Variants in RERE observed in about 807,000 individuals in gnomAD.
RERE encodes the protein arginine-glutamic acid dipeptide repeats protein.
RERE carries 40 observed loss-of-function variants against 146.1 expected under a neutral mutation model. The ratio of observed to expected loss-of-function variants is 0.27; its 90% CI spans 0.21 to 0.36. RERE has a LOEUF of 0.36. RERE is among the 10% of genes least tolerant of loss of function. RERE has a pLI of 1.00. For synonymous variants in RERE, 1,003 were observed against 866.0 expected, an observed-to-expected ratio of 1.16 and a Z score of -2.78; for missense variants, 1,933 against 2,138.7, an observed-to-expected ratio of 0.90 and a Z score of 1.90.
intron 1 of RERE, among the ~76,000 whole-genome samples, chr1:8,757,459 A>G (rs1640665326): frequency 6.6e-6 from 1 of 152,238 alleles, no homozygotes; most frequent in Non-Finnish European, 1.5e-5. Flanking sequence ...AATACTAAAT[A>G]GGATGCTCCA....
intron 6 of RERE, among the ~76,000 whole-genome samples, chr1:8,545,287 C>T (rs1487180756): frequency 6.6e-6 from 1 of 152,128 alleles, no homozygotes; most frequent in Non-Finnish European, 1.5e-5. Context: ...GTAAAAAAGG[C>T]GTCCCGGAAA....
intron 1 of RERE, among the ~76,000 whole-genome samples, chr1:8,661,555 C>T (rs1638457929): frequency 6.6e-6 from 1 of 152,090 alleles, no homozygotes. Flanking sequence ...AGACAAGCAG[C>T]AGCTGGGAAG....
At chr1:8,607,187 C>T (rs1194575413) in intron 4 of RERE, among the ~76,000 whole-genome samples, 1 of 151,800 alleles carries the variant, frequency 6.6e-6, no homozygotes, top group Non-Finnish European at 1.5e-5. Context: ...GTGGCAAAGC[C>T]CCGTCTCTAA....
chr1:8,437,964 T>C (rs1644194168), intron 11 of RERE, among the ~76,000 whole-genome samples: 1 of 150,258 alleles, frequency 6.7e-6, no homozygotes, highest in Admixed American at 6.7e-5. Flanking sequence ...CAACAAGTGC[T>C]GTTAGATTTC....
At chr1:8,655,018 C>G (rs1258909092) in intron 2 of RERE, among the ~76,000 whole-genome samples, 2 of 152,138 alleles carry the variant, frequency 1.3e-5, no homozygotes, top group African/African-American at 2.4e-5. Flanking sequence ...TTTCCCTGAT[C>G]TCATCTAAAA....
intron 4 of RERE, among the ~76,000 whole-genome samples, chr1:8,591,834 C>T (rs1209724805): frequency 1.3e-5 from 2 of 152,204 alleles, no homozygotes; most frequent in Middle Eastern, 3.2e-3. Context: ...ACACATCTAA[C>T]GTATGTCCTG....
At position 8,567,846 on chromosome 1, in the gene RERE, C is replaced by T. The variant is rs569538199; in HGVS notation, c.523-10323G>A. Among the ~76,000 whole-genome samples the T allele has an allele frequency of 5.3e-5, 8 of 152,304 alleles. No individual in the cohort carries two copies. In the South Asian group the frequency reaches 1.5e-3, roughly 28 times the overall value. ...AATATCACACACACACAGAGATAAA[C>T]TGTACGTCAAGGGGACTTAGCAGAT... On this transcript the variant is annotated intron_variant, in intron 4 of 22. Transcript: ENST00000400908.
chr1:8,428,248 C>CCCACTCTCGT (rs1644044514), intron 11 of RERE, among the ~76,000 whole-genome samples: 1 of 152,214 alleles, frequency 6.6e-6, no homozygotes, highest in African/African-American at 2.4e-5. Flanking sequence ...TCATAGCCTG[C>CCCACTCTCGT]CCACTCTCAG....
In RERE at chr1:8,355,143, CG is replaced by C. The variant is rs749612697; in HGVS notation, c.4668-24del. On this transcript the variant is annotated intron_variant, in intron 22 of 22. Transcript: ENST00000400908. Reference sequence around the variant, plus strand: ...CGACTGGAAAGACAAAACAGGAAAGCGTATTTAGTCTCAGGCCTAGGCAGGC... The same window carrying C: ...CGACTGGAAAGACAAAACAGGAAAGCTATTTAGTCTCAGGCCTAGGCAGGC... 9 of 1,613,044 alleles carry C rather than the reference CG, an allele frequency of 5.6e-6. No homozygotes were observed. The African/African-American group carries it at 1.1e-4, about 19-fold the overall frequency.
At chr1:8,747,122 C>G (rs1640438215) in intron 1 of RERE, among the ~76,000 whole-genome samples, 1 of 152,062 alleles carries the variant, frequency 6.6e-6, no homozygotes, top group Non-Finnish European at 1.5e-5. Flanking sequence ...CTGCCTCAGC[C>G]TCCCGAGTAG....
intron 12 of RERE, among the ~76,000 whole-genome samples, chr1:8,412,409 G>A (rs1045211532): frequency 5.9e-5 from 9 of 152,154 alleles, no homozygotes; most frequent in East Asian, 5.8e-4. Flanking sequence ...AAAAATATCC[G>A]TCAACAGTCA....
intron 6 of RERE, among the ~76,000 whole-genome samples, chr1:8,550,838 G>A (rs1488639289): frequency 1.3e-5 from 2 of 152,154 alleles, no homozygotes; most frequent in African/African-American, 2.4e-5. Context: ...GTGAGCCACC[G>A]TGCCCGGCCA....
chr1:8,381,779 G>T (rs928008207), intron 12 of RERE, among the ~76,000 whole-genome samples: 3 of 152,152 alleles, frequency 2.0e-5, no homozygotes, highest in Non-Finnish European at 2.9e-5. Flanking sequence ...GCACATACAC[G>T]TATGCACTAA....
chr1:8,804,982 ATTTT>A (rs1053774145), intron 1 of RERE, among the ~76,000 whole-genome samples: 4 of 127,624 alleles, frequency 3.1e-5, no homozygotes, highest in Non-Finnish European at 5.2e-5. Context: ...TTTTCAAATG[ATTTT>A]TTTTGTTTTG....
At chr1:8,416,851 T>TG (rs572399374) in intron 12 of RERE, among the ~76,000 whole-genome samples, 62 of 152,294 alleles carry the variant, frequency 4.1e-4, no homozygotes, top group African/African-American at 1.4e-3. Flanking sequence ...TGGAATCCTC[T>TG]GGGGGGTCCG....
chr1:8,613,587 T>A (rs1308161428), intron 4 of RERE, among the ~76,000 whole-genome samples: 1 of 152,204 alleles, frequency 6.6e-6, no homozygotes, highest in Non-Finnish European at 1.5e-5. Flanking sequence ...ATATTAATAT[T>A]CTACACTGCA....
At chr1:8,698,446 T>G (rs1289994630) in intron 1 of RERE, among the ~76,000 whole-genome samples, 2 of 152,194 alleles carry the variant, frequency 1.3e-5, no homozygotes, top group African/African-American at 4.8e-5. Flanking sequence ...GCACACACCA[T>G]CTGGAGGCTT....
At chr1:8,662,384 C>G (rs1446286767) in intron 1 of RERE, among the ~76,000 whole-genome samples, 4 of 152,184 alleles carry the variant, frequency 2.6e-5, no homozygotes, top group Admixed American at 2.6e-4. Flanking sequence ...TTTAAGAGAA[C>G]CACTTCCTGG....
rs35501735 is a variant in RERE at position 8,482,681 on chromosome 1, C to CAA, written c.1104+12380_1104+12381dup. Among the ~76,000 whole-genome samples the CAA allele has an allele frequency of 7.2e-3, 367 of 51,170 alleles. 36 individuals carry two copies. Among genetic ancestry groups the CAA allele is most frequent in the East Asian group, 0.042 (62 of 1,466 alleles). 33.6% of individuals were successfully genotyped at this position (51,170 alleles called of 152,430 possible). The stretch of plus-strand genomic sequence containing the variant: ...TGGGCAACAGAGTGAGATTCTGTTG[C>CAA]AAAAAAAAAAAAAAAAAAAAAAAAA... On this transcript the variant is annotated intron_variant, in intron 10 of 22. Coordinates refer to ENST00000400908, the MANE Select transcript of RERE (RefSeq NM_001042681.2).
Sources: allele counts gnomAD v4.1 joint callset (sites outside exome capture counted in the v4.1 genomes callset), GRCh38; gene constraint gnomAD v4.1.1; transcripts MANE v1.5; gene names NCBI Gene and HGNC (gene_info 2026-07-23, HGNC 2026-07-21).